Variants in CAST observed in about 807,000 individuals in gnomAD.
CAST encodes calpastatin.
Under a neutral mutation model 119.6 loss-of-function variants are expected in CAST, and 76 were observed. The ratio of observed to expected loss-of-function variants is 0.64; its 90% confidence interval spans 0.53 to 0.77. CAST has a LOEUF of 0.77. Among genes scored for constraint, CAST ranks in the 30% least tolerant of loss-of-function variants. The pLI is 0.00. For missense variants in CAST, 953 were observed against 946.5 expected, an observed-to-expected ratio of 1.01 and a Z score of -0.09; for synonymous variants, 319 against 331.6, an observed-to-expected ratio of 0.96 and a Z score of 0.41.
the CAST span, among the ~76,000 whole-genome samples, chr5:96,420,442 T>G: frequency 1.3e-5 from 2 of 152,308 alleles, no homozygotes; most frequent in East Asian, 3.9e-4. Flanking sequence ...CAGTGGTTCC[T>G]ATTGTGTTTT....
At chr5:96,727,608 C>A in intron 6 of CAST, 78 bp downstream of exon 6, 1 of 947,346 alleles carries the variant, frequency 1.1e-6, no homozygotes, top group East Asian at 2.6e-5. Context: ...TGCCTTGGCA[C>A]AGCTGTGAAT....
chr5:95,996,619 T>G, the CAST span, among the ~76,000 whole-genome samples: 1 of 152,186 alleles, frequency 6.6e-6, no homozygotes, highest in African/African-American at 2.4e-5. Flanking sequence ...TATACAAGTG[T>G]AACACTTGTT....
At chr5:96,722,860 G>A in intron 4 of CAST, 162 bp downstream of exon 4, 1 of 637,252 alleles carries the variant, frequency 1.6e-6, no homozygotes, top group Non-Finnish European at 2.8e-6. Flanking sequence ...TGAAAACTCA[G>A]CTTTCCTTCC....
At chr5:96,274,817 G>A in the CAST span, among the ~76,000 whole-genome samples, 3 of 152,092 alleles carry the variant, frequency 2.0e-5, no homozygotes, top group Non-Finnish European at 4.4e-5. Flanking sequence ...TTTTCATTCT[G>A]TCGTGGAAAT....
chr5:96,274,194 C>T, the CAST span, among the ~76,000 whole-genome samples: 24 of 151,794 alleles, frequency 1.6e-4, no homozygotes, highest in Non-Finnish European at 2.2e-4. Flanking sequence ...CTCCGCCTCC[C>T]GGGTTCGTGC....
At chr5:96,147,828 A>G in the CAST span, among the ~76,000 whole-genome samples, 40 of 152,372 alleles carry the variant, frequency 2.6e-4, no homozygotes, top group African/African-American at 9.4e-4. Context: ...GCAGATCAGC[A>G]ACAGGACATT....
At chr5:96,766,319 A>G (rs1366166215) in intron 27 of CAST, among the ~76,000 whole-genome samples, 174 bp downstream of exon 27, 1 of 152,228 alleles carries the variant, frequency 6.6e-6, no homozygotes, top group Non-Finnish European at 1.5e-5. Flanking sequence ...ATTTGAGCCA[A>G]TATCATTATA....
chr5:96,089,769 G>A, the CAST span, among the ~76,000 whole-genome samples: 1 of 152,188 alleles, frequency 6.6e-6, no homozygotes, highest in Non-Finnish European at 1.5e-5. Context: ...ACTTTTCACT[G>A]TATGCTTTTT....
chr5:96,496,715 T>C, the CAST span, among the ~76,000 whole-genome samples: 1 of 152,254 alleles, frequency 6.6e-6, no homozygotes, highest in Admixed American at 6.5e-5. Flanking sequence ...ATTCTATAGA[T>C]GAAGAAACCG....
chr5:96,274,651 C>T, the CAST span, among the ~76,000 whole-genome samples: 9 of 152,284 alleles, frequency 5.9e-5, no homozygotes, highest in East Asian at 9.7e-4. Flanking sequence ...CCAGAGATGA[C>T]GGGTGCAACA....
At chr5:96,663,658 A>T (rs1336831023) in intron 1 of CAST, among the ~76,000 whole-genome samples, 1 of 152,216 alleles carries the variant, frequency 6.6e-6, no homozygotes, top group Non-Finnish European at 1.5e-5. Context: ...AATCCCAAAC[A>T]TCAAGGGGCA....
At chr5:95,981,128 G>C in the CAST span, among the ~76,000 whole-genome samples, 5 of 152,324 alleles carry the variant, frequency 3.3e-5, no homozygotes, top group South Asian at 8.3e-4. Flanking sequence ...GCAAAGCAGG[G>C]AAGTGGGCTG....
chr5:96,335,443 C>T, the CAST span, among the ~76,000 whole-genome samples: 1 of 152,198 alleles, frequency 6.6e-6, no homozygotes, highest in Non-Finnish European at 1.5e-5. Context: ...ATTCTCTCAG[C>T]TTGCCTCATT....
the CAST span, among the ~76,000 whole-genome samples, chr5:96,376,427 A>C: frequency 2.2e-4 from 33 of 151,874 alleles, no homozygotes; most frequent in African/African-American, 7.0e-4. Context: ...ACTTTAAAAA[A>C]ATTATTTCTA....
At chr5:96,165,000 A>G in the CAST span, among the ~76,000 whole-genome samples, 3 of 152,094 alleles carry the variant, frequency 2.0e-5, no homozygotes, top group African/African-American at 7.2e-5. Context: ...GGTTATATAC[A>G]TTATTCTATA....
chr5:96,173,963 C>G, the CAST span, among the ~76,000 whole-genome samples: 1 of 152,038 alleles, frequency 6.6e-6, no homozygotes, highest in Admixed American at 6.6e-5. Context: ...AGGATGGTCT[C>G]GATCACCTGA....
At chr5:96,294,820 G>A in the CAST span, among the ~76,000 whole-genome samples, 1 of 152,232 alleles carries the variant, frequency 6.6e-6, no homozygotes, top group Non-Finnish European at 1.5e-5. Flanking sequence ...TGTCAGCATA[G>A]AGGCCTTCTC....
At chr5:96,007,395 A>G in the CAST span, among the ~76,000 whole-genome samples, 2 of 152,090 alleles carry the variant, frequency 1.3e-5, no homozygotes, top group Admixed American at 6.6e-5. Context: ...AATAAATTTC[A>G]TTTCTTTGGC....
At chr5:96,380,189 T>C in the CAST span, among the ~76,000 whole-genome samples, 1 of 152,156 alleles carries the variant, frequency 6.6e-6, no homozygotes, top group Non-Finnish European at 1.5e-5. Flanking sequence ...GATATTTAGA[T>C]TGATGGTACA....
Sources: allele counts gnomAD v4.1 joint callset (sites outside exome capture counted in the v4.1 genomes callset), GRCh38; gene constraint gnomAD v4.1.1; transcripts MANE v1.5; gene names NCBI Gene and HGNC (gene_info 2026-07-23, HGNC 2026-07-21).